The following CFAP251 variants were observed in gnomAD, a reference collection of about 807,000 sequenced individuals.
CFAP251 encodes the protein cilia and flagella associated protein 251.
CFAP251 carries 93 observed loss-of-function variants against 126.7 expected under a neutral mutation model. That is an observed-to-expected ratio of 0.73 (90% CI 0.62 to 0.87). The LOEUF (loss-of-function observed/expected upper bound fraction) is 0.87, where lower values mean the gene tolerates loss of function less well. Among genes scored for constraint, CFAP251 ranks in the 40% least tolerant of loss-of-function variants. The probability of loss-of-function intolerance (pLI) is 0.00; values close to 1 mark genes in which losing one functional copy is unlikely to be tolerated. For missense variants in CFAP251, 1,287 were observed against 1,389.2 expected (o/e 0.93, Z 1.17); for synonymous variants, 503 against 506.9 (o/e 0.99, Z 0.10).
At chr12:121,924,426 CT>C (rs59759704) in intron 3 of CFAP251, among the ~76,000 whole-genome samples, 22,752 of 87,404 alleles carry the variant, frequency 0.26, 2,031 homozygotes, top group East Asian at 0.5. Flanking sequence ...AGACTTGTGT[CT>C]TTTTTTTTTT....
chr12:121,977,816 G>A (rs1253450842), intron 19 of CFAP251, among the ~76,000 whole-genome samples: 17 of 150,868 alleles, frequency 1.1e-4, no homozygotes, highest in Middle Eastern at 6.9e-3. Context: ...AAAATTAGCC[G>A]GGCGTGGTGG....
Position 121,948,677 on chromosome 12 carries a change from G to A in CFAP251, c.1192-307G>A, listed in dbSNP as rs570484726. The stretch of plus-strand genomic sequence containing the variant: ...AGAGGCTGCAGTGAGCTGAGATGGC[G>A]CCACTGCACTCCAGCCTAGGCGACA... On this transcript the variant is annotated intron_variant, in intron 7 of 21. Transcript: ENST00000288912. 402 of 194,864 alleles carry A rather than the reference G, an allele frequency of 2.1e-3. 11 individuals are homozygous for A. The South Asian group carries it at 0.031, about 15-fold the overall frequency. The allele number at this position is 194,864 out of a possible 1,614,324, so 12.1% of individuals were successfully genotyped here. A position where few individuals can be genotyped will look rare whatever the true frequency, so the allele number is the denominator to read the frequency against.
intron 19 of CFAP251, chr12:121,996,759 C>T (rs1200035795): frequency 2.0e-5 from 3 of 152,220 alleles, no homozygotes; most frequent in African/African-American, 4.8e-5. Flanking sequence ...CACCATCACC[C>T]GATCATCTGC....
chr12:122,001,583 A>G lies in CFAP251; in HGVS notation c.3322A>G (p.Thr1108Ala). The G allele has an allele frequency of 6.2e-7, 1 of 1,614,052 alleles. No individual in the cohort carries two copies. Among genetic ancestry groups the G allele is most frequent in the Non-Finnish European group, 8.5e-7 (1 of 1,179,978 alleles). ...NPEGWKSEPA[T>A]CSVKGSEICL... is the part of the protein sequence containing the mutation. ...CGAGGGATGGAAATCCGAGCCTGCA[A>G]CCTGCTCCGTCAAAGGTACCCCAGC... Residue 1108 changes from threonine to alanine, a missense_variant, in exon 21 of 22, where the codon ACC (threonine) becomes GCC (alanine). By Grantham distance (58) the Thr-to-Ala change is moderately conservative (BLOSUM62 0). Coordinates refer to ENST00000288912, the MANE Select transcript of CFAP251 (RefSeq NM_144668.6).
intron 15 of CFAP251, among the ~76,000 whole-genome samples, chr12:121,964,501 A>G (rs1472393029): frequency 1.3e-5 from 2 of 152,258 alleles, no homozygotes; most frequent in South Asian, 2.1e-4. Context: ...GGACTTTTAG[A>G]CACAAAGTTG....
intron 21 of CFAP251, 55 bp from the exon 22 acceptor site, chr12:122,003,597 G>T (rs1367207962): frequency 6.8e-7 from 1 of 1,470,252 alleles, no homozygotes; most frequent in East Asian, 2.3e-5. Context: ...ACCCAAAAAA[G>T]AAAGAAACAT....
At position 121,974,049 on chromosome 12, in the gene CFAP251, A is replaced by G. The variant is rs1039432256; in HGVS notation, c.2772-1195A>G. ...AAATCTCATCTTGAATTGTACTCCCATAATTCCCATGTGTTGTGGGAGGGA... is the reference window on the plus strand; with the variant it reads ...AAATCTCATCTTGAATTGTACTCCCGTAATTCCCATGTGTTGTGGGAGGGA... On this transcript the variant is annotated intron_variant, in intron 17 of 21. Coordinates refer to ENST00000288912, the MANE Select transcript of CFAP251 (RefSeq NM_144668.6). The surrounding 1 kb of genome is among the most constrained non-coding windows in gnomAD (Gnocchi z 4.6). Among the ~76,000 whole-genome samples the G allele has an allele frequency of 1.3e-5, 2 of 152,200 alleles. No individual in the cohort carries two copies. The highest frequency in any genetic ancestry group is 4.8e-5 in the African/African-American group (2 of 41,430).
intron 21 of CFAP251, among the ~76,000 whole-genome samples, chr12:122,002,548 A>G (rs1314138495): frequency 1.3e-5 from 2 of 151,258 alleles, no homozygotes; most frequent in African/African-American, 4.8e-5. Context: ...TCAATTAAAA[A>G]AGAGAGAGAG....
intron 8 of CFAP251, chr12:121,950,038 G>A (rs1454401496): frequency 6.6e-6 from 1 of 152,258 alleles, no homozygotes; most frequent in Non-Finnish European, 1.5e-5. Flanking sequence ...CACAGCAGCA[G>A]CAGCAGCACT....
rs181218309 is a variant in CFAP251, at chr12:121,974,957, G to A, written c.2772-287G>A. Among the ~76,000 whole-genome samples the A allele has an allele frequency of 2.5e-3, 382 of 152,250 alleles. No homozygotes were observed. Among genetic ancestry groups the A allele is most frequent in the Non-Finnish European group, 2.9e-3 (196 of 68,002 alleles). Reference sequence around the variant, plus strand: ...CCTCCCCCACCCCCAGGAGAGACATGTTCCCCAAAGATTGCAGACAAATTG... The same window carrying A: ...CCTCCCCCACCCCCAGGAGAGACATATTCCCCAAAGATTGCAGACAAATTG... On this transcript the variant is annotated intron_variant, in intron 17 of 21. Transcript: ENST00000288912. This position sits in a 1 kb window ranked among gnomAD's most constrained non-coding sequence, Gnocchi z 4.6.
In CFAP251 at chr12:121,957,703, C is replaced by CAA. The variant is rs11416000; in HGVS notation, c.1730+454_1730+455dup. Among the ~76,000 whole-genome samples, 921 of 110,258 alleles carry CAA rather than the reference C, an allele frequency of 8.4e-3. 18 individuals carry two copies. Among genetic ancestry groups the CAA allele is most frequent in the African/African-American group, 0.013 (385 of 28,584 alleles). 72.3% of individuals were successfully genotyped at this position (110,258 alleles called of 152,430 possible). ...TGGGCGACAGAGCGAGACTCTGTCT[C>CAA]AAAAAAAAAAAAAAAAAAAATTAAT... On this transcript the variant is annotated intron_variant, in intron 11 of 21. Transcript: ENST00000288912.
chr12:121,940,603 T>TTTCA (rs1371920103), intron 5 of CFAP251, among the ~76,000 whole-genome samples: 4 of 152,178 alleles, frequency 2.6e-5, no homozygotes, highest in Admixed American at 6.5e-5. Context: ...ACCACCTACT[T>TTTCA]TTCATTCCAG....
rs200131761 is a variant in CFAP251 at position 121,960,671 on chromosome 12, T to C, written c.2220T>C (p.His740=). 432 of 1,614,114 alleles carry C rather than the reference T, an allele frequency of 2.7e-4. No individual in the cohort carries two copies. The African/African-American group carries it at 5.0e-3, about 19-fold the overall frequency. ...AGTACTTAGCAAGACTTCGCTCTCATCGCAAAAGCATTCGAAGTCTCCTGT... is the reference window on the plus strand; with the variant it reads ...AGTACTTAGCAAGACTTCGCTCTCACCGCAAAAGCATTCGAAGTCTCCTGT... ...VWEYLARLRS[H]RKSIRSLLFG... Residue 740 remains histidine (H), a synonymous_variant, in exon 14 of 22, where the codon CAT becomes CAC. Transcript: ENST00000288912.
chr12:121,998,189 C>T (rs908794398), intron 19 of CFAP251: 4 of 151,772 alleles, frequency 2.6e-5, no homozygotes, highest in Non-Finnish European at 5.9e-5. Context: ...GTAGCTGGAA[C>T]CATAGGTGCA....
chr12:121,942,738 G>A, intron 6 of CFAP251, 93 bp downstream of exon 6: 1 of 1,236,528 alleles, frequency 8.1e-7, no homozygotes, highest in Non-Finnish European at 1.2e-6. Flanking sequence ...TGGGCTGTGT[G>A]ATGTCTGTGA....
intron 19 of CFAP251, among the ~76,000 whole-genome samples, chr12:121,987,416 A>C (rs1794776664): frequency 6.6e-6 from 1 of 152,176 alleles, no homozygotes; most frequent in African/African-American, 2.4e-5. Flanking sequence ...GCCATTAAAA[A>C]GAATGCAGGC....
chr12:121,954,043 T>G (rs1881624425), intron 9 of CFAP251, 77 bp from the exon 10 acceptor site: 1 of 1,252,228 alleles, frequency 8.0e-7, no homozygotes, highest in Non-Finnish European at 1.1e-6. Flanking sequence ...CAGCATAGCA[T>G]TATAAAATAT....
rs138813635 is a variant in CFAP251, at chr12:121,968,194, G to A, written c.2771+25G>A. The A allele has an allele frequency of 5.1e-6, 8 of 1,579,016 alleles. No individual in the cohort carries two copies. The African/African-American group carries it at 9.5e-5, about 19-fold the overall frequency. Reference sequence around the variant, plus strand: ...GGTACACGATGGGGCGAGAAGGAAGGTATCAAGTGTAAACTCCTTTTCACT... The same window carrying A: ...GGTACACGATGGGGCGAGAAGGAAGATATCAAGTGTAAACTCCTTTTCACT... On this transcript the variant is annotated intron_variant, in intron 17 of 21. Coordinates refer to ENST00000288912, the MANE Select transcript of CFAP251 (RefSeq NM_144668.6).
chr12:122,001,725 T>C (rs923478698), intron 21 of CFAP251, 127 bp downstream of exon 21: 3 of 739,984 alleles, frequency 4.1e-6, no homozygotes, highest in Non-Finnish European at 7.3e-6. Context: ...AAAGCATGTC[T>C]GTTGGGAATC....
Sources: gnomAD v4.1 joint callset for allele counts (sites outside exome capture counted in the v4.1 genomes callset) on GRCh38, gnomAD v4.1.1 for gene constraint, Gnocchi (gnomAD v3.1) non-coding constraint, MANE v1.5 for transcripts, NCBI Gene and HGNC (gene_info 2026-07-23, HGNC 2026-07-21) for gene names.